The following SNTG1 variants were observed in gnomAD, a reference collection of about 807,000 sequenced individuals.
SNTG1 encodes syntrophin gamma 1.
In SNTG1, 39 loss-of-function variants were observed where a neutral mutation model predicts 74.7. That is an observed-to-expected ratio of 0.52 (90% CI 0.40 to 0.68). The LOEUF is 0.68. SNTG1 is among the 30% of genes least tolerant of loss of function. The probability of loss-of-function intolerance (pLI) is 0.00; values close to 1 mark genes in which losing one functional copy is unlikely to be tolerated. For missense variants in SNTG1, 685 were observed against 609.5 expected, an observed-to-expected ratio of 1.12 and a Z score of -1.30; for synonymous variants, 254 against 217.1, an observed-to-expected ratio of 1.17 and a Z score of -1.49.
At chr8:50,186,901 T>C (rs1289116867) in intron 2 of SNTG1, among the ~76,000 whole-genome samples, 2 of 152,150 alleles carry the variant, frequency 1.3e-5, no homozygotes, top group East Asian at 3.8e-4. Context: ...ATCCCATTTG[T>C]CAATTTTGGC....
chr8:50,247,909 T>A (rs2086472939), intron 2 of SNTG1, among the ~76,000 whole-genome samples: 1 of 152,088 alleles, frequency 6.6e-6, no homozygotes, highest in Admixed American at 6.6e-5. Flanking sequence ...AGGCAAGAAG[T>A]CTGAGATCAA....
chr8:50,154,229 C>T (rs1207319075), intron 1 of SNTG1, among the ~76,000 whole-genome samples: 2 of 152,172 alleles, frequency 1.3e-5, no homozygotes, highest in Non-Finnish European at 2.9e-5. Flanking sequence ...CCCCCCAAGC[C>T]AGGCATGGGA....
At chr8:50,292,751 T>C (rs2130575798) in intron 2 of SNTG1, among the ~76,000 whole-genome samples, 1 of 152,266 alleles carries the variant, frequency 6.6e-6, no homozygotes, top group Non-Finnish European at 1.5e-5. Context: ...GAAAGGAATG[T>C]TTTGATATTT....
chr8:50,584,059 G>T (rs1036143362), intron 12 of SNTG1, among the ~76,000 whole-genome samples: 11 of 152,038 alleles, frequency 7.2e-5, no homozygotes, highest in African/African-American at 2.2e-4. Context: ...TGCTCAGAAT[G>T]ATGGTTTCCA....
In SNTG1 at chr8:50,179,835, T is replaced by C. The variant is rs574315822; in HGVS notation, c.-28+7200T>C. ...AACCCTTGTGCACTGCTGCTGAGAATGTAAATTGGAACAGCTATTGTGAAA... is the reference window on the plus strand; with the variant it reads ...AACCCTTGTGCACTGCTGCTGAGAACGTAAATTGGAACAGCTATTGTGAAA... On this transcript the variant is annotated intron_variant, in intron 2 of 18. Transcript: ENST00000642720. Among the ~76,000 whole-genome samples the C allele has an allele frequency of 9.9e-5, 15 of 152,238 alleles. No homozygotes were observed. In the East Asian group the frequency reaches 2.7e-3, roughly 28 times the overall value.
At chr8:50,511,781 G>C (rs1009857731) in intron 9 of SNTG1, among the ~76,000 whole-genome samples, 4 of 151,772 alleles carry the variant, frequency 2.6e-5, no homozygotes, top group South Asian at 2.1e-4. Flanking sequence ...GATCTTCCTC[G>C]ATCCCTTTAT....
chr8:50,286,028 CCATTTATTTTATTCTAA>C (rs1168798117), intron 2 of SNTG1, among the ~76,000 whole-genome samples: 1 of 152,052 alleles, frequency 6.6e-6, no homozygotes, highest in African/African-American at 2.4e-5. Context: ...TTCTATTCTA[CCATTTATTTTATTCTAA>C]CATTATATAC....
chr8:50,483,172 G>A (rs1196682328), intron 8 of SNTG1, among the ~76,000 whole-genome samples: 1 of 152,158 alleles, frequency 6.6e-6, no homozygotes, highest in Non-Finnish European at 1.5e-5. Context: ...GTCTCATAAT[G>A]TACATGCATC....
At chr8:50,641,146 ACATTAAATTCATGATCACTGAC>A (rs1160397868) in intron 13 of SNTG1, among the ~76,000 whole-genome samples, 1 of 152,178 alleles carries the variant, frequency 6.6e-6, no homozygotes, top group East Asian at 1.9e-4. Flanking sequence ...GACTCATCCC[ACATTAAATTCATGATCACTGAC>A]CTGAAGTACA....
chr8:49,983,404 A>G (rs1018965572), intron 1 of SNTG1, among the ~76,000 whole-genome samples: 2 of 152,346 alleles, frequency 1.3e-5, no homozygotes, highest in East Asian at 3.8e-4. Context: ...TTTATACTGC[A>G]TTCAATAAGA....
At chr8:50,712,058 A>G (rs1002697839) in intron 17 of SNTG1, among the ~76,000 whole-genome samples, 2 of 152,192 alleles carry the variant, frequency 1.3e-5, no homozygotes, top group African/African-American at 4.8e-5. Context: ...TTAAACAGAA[A>G]CCTCATCAGT....
chr8:50,749,027 G>A (rs541567808), intron 17 of SNTG1, among the ~76,000 whole-genome samples: 275 of 152,140 alleles, frequency 1.8e-3, no homozygotes, highest in African/African-American at 6.3e-3. Context: ...TGAGAAAGGC[G>A]TGTTGAAAAC....
At chr8:50,277,160 G>T (rs969383696) in intron 2 of SNTG1, among the ~76,000 whole-genome samples, 1 of 151,482 alleles carries the variant, frequency 6.6e-6, no homozygotes, top group Non-Finnish European at 1.5e-5. Flanking sequence ...CCAGCTACTC[G>T]GGAGCCTGAG....
intron 1 of SNTG1, among the ~76,000 whole-genome samples, chr8:49,948,551 C>G (rs1032076828): frequency 6.6e-6 from 1 of 152,260 alleles, no homozygotes. Context: ...CAATTACTAT[C>G]CTCTTCTTAA....
chr8:50,028,518 T>TA (rs1010331178), intron 1 of SNTG1, among the ~76,000 whole-genome samples: 14 of 149,308 alleles, frequency 9.4e-5, no homozygotes, highest in African/African-American at 2.5e-4. Flanking sequence ...GGTGTATCTT[T>TA]AAAAAAAAAC....
intron 2 of SNTG1, among the ~76,000 whole-genome samples, chr8:50,200,849 A>AC (rs927257686): frequency 1.3e-5 from 2 of 151,882 alleles, no homozygotes; most frequent in Non-Finnish European, 1.5e-5. Flanking sequence ...ACCAAAAAAA[A>AC]CCTCTAAGTA....
intron 2 of SNTG1, among the ~76,000 whole-genome samples, chr8:50,213,097 A>G (rs2084601972): frequency 6.6e-6 from 1 of 152,168 alleles, no homozygotes; most frequent in African/African-American, 2.4e-5. Flanking sequence ...CATCTTCCCT[A>G]TGAAAGAGTA....
intron 1 of SNTG1, among the ~76,000 whole-genome samples, chr8:50,085,567 T>A (rs954746871): frequency 2.6e-5 from 4 of 152,206 alleles, no homozygotes; most frequent in Non-Finnish European, 5.9e-5. Flanking sequence ...CTGTCTCTAC[T>A]CCTCTAGTGT....
At chr8:50,485,619 T>C (rs959522872) in intron 8 of SNTG1, among the ~76,000 whole-genome samples, 4 of 149,846 alleles carry the variant, frequency 2.7e-5, no homozygotes, top group African/African-American at 9.9e-5. Context: ...ATTTTGTAGG[T>C]TGCCTGTTCA....
Sources: allele counts gnomAD v4.1 joint callset (sites outside exome capture counted in the v4.1 genomes callset), GRCh38; gene constraint gnomAD v4.1.1; transcripts MANE v1.5; gene names NCBI Gene and HGNC (gene_info 2026-07-23, HGNC 2026-07-21).